The following AKAP9 variants were observed in gnomAD, a reference collection of about 807,000 sequenced individuals.
The protein encoded by AKAP9 is A-kinase anchoring protein 9.
A neutral mutation model predicts 488.5 loss-of-function variants in AKAP9; 311 were observed. The observed-to-expected ratio is 0.64, with a 90% CI of 0.58 to 0.70. The LOEUF is 0.70. AKAP9 is among the 30% of genes least tolerant of loss of function. The pLI is 0.00. For missense variants in AKAP9, 4,215 were observed against 4,374.5 expected (o/e 0.96, Z 1.03); for synonymous variants, 1,462 against 1,483.5 (o/e 0.99, Z 0.33).
chr7:92,023,969 C>T (rs950593934), intron 14 of AKAP9, among the ~76,000 whole-genome samples: 7 of 152,068 alleles, frequency 4.6e-5, no homozygotes, highest in African/African-American at 1.4e-4. Context: ...GTCATGTTCT[C>T]GTGAGGCTTT....
chr7:92,070,063 A>G lies in AKAP9; in HGVS notation c.6364A>G (p.Thr2122Ala), dbSNP rs1407175250. Residue 2122 changes from threonine to alanine, a missense_variant, in exon 27 of 50, where the codon ACA (threonine) becomes GCA (alanine). By Grantham distance (58) the Thr-to-Ala change is moderately conservative. Transcript: ENST00000356239. ...EQLANHLKEK[T>A]DKCSELLLSK... is the part of the protein sequence containing the mutation. ...GTTAGCAAATCATCTGAAAGAAAAA[A>G]CAGACAAATGCAGTGAGCTTTTGCT... The G allele has an allele frequency of 1.2e-6, 2 of 1,613,118 alleles. No homozygotes were observed. Among genetic ancestry groups the G allele is most frequent in the Non-Finnish European group, 1.7e-6 (2 of 1,179,822 alleles).
rs1314878861 is a variant in AKAP9 at position 92,061,411 on chromosome 7, G to A, written c.5753G>A (p.Ser1918Asn). ...RAREQLAVEL[S>N]KAEGVIDGYA... is the part of the protein sequence containing the mutation. ...AGAGAACAGCTAGCTGTGGAGCTCA[G>A]TAAGGCTGAGGGTGAGCAATTTGCC... The change falls in exon 23 of 50, where the codon AGT becomes AAT. Residue 1918 changes from serine (S) to asparagine (N), a missense_variant. This residue lies in a region of AKAP9 where 2,361 missense variants were observed against 2,430.0 expected (regional missense o/e 0.97). Coordinates refer to ENST00000356239, the MANE Select transcript of AKAP9 (RefSeq NM_005751.5). 6.2e-7 allele frequency: 1 copy of A among 1,612,644 alleles called. No individual in the cohort carries two copies. Among genetic ancestry groups the A allele is most frequent in the Admixed American group, 1.7e-5 (1 of 59,862 alleles).
chr7:91,978,932 ATTTTTT>A (rs34097770), intron 2 of AKAP9, among the ~76,000 whole-genome samples: 1 of 90,380 alleles, frequency 1.1e-5, no homozygotes, highest in Admixed American at 1.3e-4. Flanking sequence ...TAGTTTTTGT[ATTTTTT>A]TTTTTTTTTT....
At chr7:92,003,331 A>T in intron 8 of AKAP9, 96 bp downstream of exon 8, 2 of 932,022 alleles carry the variant, frequency 2.1e-6, no homozygotes, top group South Asian at 3.1e-5. Flanking sequence ...TCATATCCTT[A>T]CAAGAGAATG....
rs1813131577 is a variant in AKAP9, at chr7:92,079,333, G to A, written c.7200G>A (p.Gln2400=). The A allele has an allele frequency of 6.2e-7, 1 of 1,613,908 alleles. No individual in the cohort carries two copies. Among genetic ancestry groups the A allele is most frequent in the Non-Finnish European group, 8.5e-7 (1 of 1,180,006 alleles). The change falls in exon 31 of 50, where the codon CAG becomes CAA. Residue 2400 remains glutamine (Q), a synonymous_variant. Coordinates refer to ENST00000356239, the MANE Select transcript of AKAP9 (RefSeq NM_005751.5). ...TAGCTGAAAAGCTGGCCTTGGAACA[G>A]CAAGTAGAAACCGCTAATGAAGAAA... ...VVIAEKLALE[Q]QVETANEEMT...
rs187321181 is a variant in AKAP9, at chr7:92,034,982, A to G, written c.4338+3378A>G. Among the ~76,000 whole-genome samples the G allele has an allele frequency of 2.0e-5, 3 of 151,616 alleles. No individual in the cohort carries two copies. In the East Asian group the frequency reaches 5.8e-4, roughly 29 times the overall value. On this transcript the variant is annotated intron_variant, in intron 16 of 49. Coordinates refer to ENST00000356239, the MANE Select transcript of AKAP9 (RefSeq NM_005751.5). ...TTCAATTGCTACCCATATCTTTTTG[A>G]TATCCTTTTTCTGCGTGCTTTGGAC...
chr7:92,021,762 A>G (rs182468763), intron 12 of AKAP9, among the ~76,000 whole-genome samples: 1 of 152,208 alleles, frequency 6.6e-6, no homozygotes, highest in Admixed American at 6.5e-5. Context: ...AGATTTATCT[A>G]TTTTCATTAT....
At chr7:92,059,460 A>G (rs1453069816) in intron 22 of AKAP9, among the ~76,000 whole-genome samples, 1 of 151,836 alleles carries the variant, frequency 6.6e-6, no homozygotes, top group Non-Finnish European at 1.5e-5. Flanking sequence ...TTATTTTAGA[A>G]AACAAGTTTT....
At position 92,001,488 on chromosome 7, in the gene AKAP9, G is replaced by A. The variant is rs758135834; in HGVS notation, c.1571G>A (p.Cys524Tyr). The part of the protein sequence containing the change: ...EELGLILEEK[C>Y]ALQRQLEDLV... ...CTAGGACTAATTTTAGAAGAAAAGT[G>A]TGCTCTACAGAGACAGCTTGAAGAC... is the stretch of plus-strand genomic sequence containing the variant. The change falls in exon 8 of 50, where the codon TGT becomes TAT. Residue 524 changes from cysteine to tyrosine, a missense_variant. This residue lies in a region of AKAP9 where 2,361 missense variants were observed against 2,430.0 expected (regional missense o/e 0.97). Coordinates refer to ENST00000356239, the MANE Select transcript of AKAP9 (RefSeq NM_005751.5). 2 of 1,613,896 alleles carry A rather than the reference G, an allele frequency of 1.2e-6. No individual in the cohort carries two copies. The highest frequency in any genetic ancestry group is 1.3e-5 in the African/African-American group (1 of 75,044).
In AKAP9 at chr7:92,083,322, T is replaced by C. The variant is rs774588758; in HGVS notation, c.8313T>C (p.Pro2771=). 1 of 1,614,128 alleles carries C rather than the reference T, an allele frequency of 6.2e-7. No homozygotes were observed. The highest frequency in any genetic ancestry group is 1.7e-5 in the Admixed American group (1 of 60,026). Residue 2771 remains proline (P), a synonymous_variant, in exon 33 of 50, where the codon CCT becomes CCC. Coordinates refer to ENST00000356239, the MANE Select transcript of AKAP9 (RefSeq NM_005751.5). ...SKKACMFEPL[P]IKLSKSIASQ... is the part of the protein sequence containing the mutation. ...AGGCCTGCATGTTTGAGCCACTTCCTATAAAACTGAGTAAGAGCATTGCAT... is the reference window on the plus strand; with the variant it reads ...AGGCCTGCATGTTTGAGCCACTTCCCATAAAACTGAGTAAGAGCATTGCAT...
At position 91,973,820 on chromosome 7, in the gene AKAP9, A is replaced by G. The variant is rs142125596; in HGVS notation, c.158A>G (p.His53Arg). 141 of 1,614,162 alleles carry G rather than the reference A, an allele frequency of 8.7e-5. No homozygotes were observed. The African/African-American group carries it at 1.7e-3, about 19-fold the overall frequency. The change falls in exon 2 of 50, where the codon CAT becomes CGT. Residue 53 changes from histidine (H) to arginine (R), a missense_variant. Physicochemically the swap from His to Arg is conservative, Grantham distance 29 (BLOSUM62 0). Transcript: ENST00000356239. The stretch of plus-strand genomic sequence containing the variant: ...AGTAAACATGATGTGTCAGCACACC[A>G]TGATTTGAATATTGATCAATCACAG... Reference protein sequence around the residue: ...SSSKHDVSAHHDLNIDQSQCN... With the variant: ...SSSKHDVSAHRDLNIDQSQCN...
intron 16 of AKAP9, 148 bp from the exon 17 acceptor site, chr7:92,038,271 G>A (rs1044552954): frequency 3.6e-6 from 2 of 562,672 alleles, no homozygotes; most frequent in Non-Finnish European, 6.1e-6. Context: ...ATCCATCTCG[G>A]TATTACTTTA....
chr7:91,953,535 G>A (rs767694856), intron 1 of AKAP9, among the ~76,000 whole-genome samples: 5 of 152,126 alleles, frequency 3.3e-5, no homozygotes, highest in East Asian at 1.9e-4. Flanking sequence ...TGGTACTTGC[G>A]GTTGTTGTGA....
Position 91,998,418 on chromosome 7 carries a change from C to CTTTTTTTTTTTTTTTTTTTTT in AKAP9, c.931-2413_931-2393dup, listed in dbSNP as rs60778133. 3.7e-5 allele frequency among the ~76,000 whole-genome samples: 2 copies of CTTTTTTTTTTTTTTTTTTTTT among 53,962 alleles called. 1 individual carries two copies. Among genetic ancestry groups the CTTTTTTTTTTTTTTTTTTTTT allele is most frequent in the Non-Finnish European group, 7.9e-5 (2 of 25,222 alleles). The allele number at this position is 53,962 out of a possible 152,430, so 35.4% of individuals were successfully genotyped here. ...AGATAGTGTATTCAACCACAGGGCTCTTTTTTTTTTTTTTTTTTTTTTTTT... is the reference window on the plus strand; with the variant it reads ...AGATAGTGTATTCAACCACAGGGCTCTTTTTTTTTTTTTTTTTTTTTTTTTTTTTTTTTTTTTTTTTTTTTT... On this transcript the variant is annotated intron_variant, in intron 7 of 49. Coordinates refer to ENST00000356239, the MANE Select transcript of AKAP9 (RefSeq NM_005751.5).
chr7:92,109,797 A>G (rs997521965), intron 49 of AKAP9, among the ~76,000 whole-genome samples: 4 of 152,124 alleles, frequency 2.6e-5, no homozygotes, highest in Non-Finnish European at 4.4e-5. Context: ...CTAAAAATAC[A>G]AAAATTTGCT....
intron 8 of AKAP9, among the ~76,000 whole-genome samples, chr7:92,011,845 G>T (rs1800792632): frequency 6.6e-6 from 1 of 152,170 alleles, no homozygotes; most frequent in Admixed American, 6.5e-5. Flanking sequence ...AGGGTGCGGT[G>T]GCTCATACCT....
chr7:92,098,117 T>C lies in AKAP9; in HGVS notation c.10616T>C (p.Phe3539Ser). The C allele has an allele frequency of 6.2e-7, 1 of 1,607,338 alleles. No homozygotes were observed. The highest frequency in any genetic ancestry group is 1.7e-4 in the Middle Eastern group (1 of 6,054). The change falls in exon 43 of 50, where the codon TTT (phenylalanine) becomes TCT (serine). Residue 3539 changes from phenylalanine (F) to serine (S), a missense_variant. This residue lies in a region of AKAP9 where 1,476 missense variants were observed against 1,477.4 expected (regional missense o/e 1.00). Coordinates refer to ENST00000356239, the MANE Select transcript of AKAP9 (RefSeq NM_005751.5). ...LPQKASERLQ[F>S]ETADDEDFIW... ...TTGTCTTTTTCTTGAAGACTACAGT[T>C]TGAAACAGCAGATGATGAAGATTTC...
rs192419488 is a variant in AKAP9, at chr7:91,970,964, A to G, written c.49-2747A>G. ...CCCTTGCATTAAAGTTAGGCATTAT[A>G]TTATGTAGTGCTGAAAAACAGGCGG... On this transcript the variant is annotated intron_variant, in intron 1 of 49. Coordinates refer to ENST00000356239, the MANE Select transcript of AKAP9 (RefSeq NM_005751.5). Among the ~76,000 whole-genome samples, 8 of 152,264 alleles carry G rather than the reference A, an allele frequency of 5.3e-5. No homozygotes were observed. The East Asian group carries it at 1.4e-3, about 26-fold the overall frequency.
chr7:92,079,931 G>A lies in AKAP9; in HGVS notation c.7798G>A (p.Asp2600Asn). Residue 2600 changes from aspartate (D) to asparagine (N), a missense_variant, in exon 31 of 50, where the codon GAT (aspartate) becomes AAT (asparagine). Physicochemically the swap from Asp to Asn is conservative, Grantham distance 23. Transcript: ENST00000356239. Reference sequence around the variant, plus strand: ...ACTAAGAGAAGATGAGTTGGGGTCAGATATATCAGCATTAACCTTGAGAAT... The same window carrying A: ...ACTAAGAGAAGATGAGTTGGGGTCAAATATATCAGCATTAACCTTGAGAAT... ...NQLREDELGSDISALTLRISE... is the reference protein window; with the variant it reads ...NQLREDELGSNISALTLRISE... The A allele has an allele frequency of 1.9e-6, 3 of 1,612,588 alleles. No individual in the cohort carries two copies. Among genetic ancestry groups the A allele is most frequent in the Non-Finnish European group, 2.5e-6 (3 of 1,179,328 alleles).
Sources: allele counts gnomAD v4.1 joint callset (sites outside exome capture counted in the v4.1 genomes callset), GRCh38; gene constraint gnomAD v4.1.1; regional missense constraint gnomAD v4.1.1; transcripts MANE v1.5; gene names NCBI Gene and HGNC (gene_info 2026-07-23, HGNC 2026-07-21).